ZNF385D: variants seen among roughly 807,000 people sequenced by gnomAD.
The protein encoded by ZNF385D is zinc finger protein 385D, also known as zinc finger protein 659.
ZNF385D carries 15 observed loss-of-function variants against 35.8 expected under a neutral mutation model. That is an observed-to-expected ratio of 0.42 (90% CI 0.28 to 0.64). ZNF385D has a LOEUF of 0.64. Ranked by LOEUF, ZNF385D falls within the 30% of genes least tolerant of loss-of-function variation. ZNF385D has a pLI of 0.23. For missense variants in ZNF385D, 474 were observed against 494.6 expected, an observed-to-expected ratio of 0.96 and a Z score of 0.39; for synonymous variants, 212 against 186.8, an observed-to-expected ratio of 1.13 and a Z score of -1.10.
chr3:22,074,451 G>C (rs768389025), intron 3 of ZNF385D, among the ~76,000 whole-genome samples: 7 of 151,846 alleles, frequency 4.6e-5, no homozygotes, highest in Non-Finnish European at 1.0e-4. Flanking sequence ...CCTAATACTA[G>C]AAAATTACTA....
At chr3:22,075,947 T>A (rs2125572397) in intron 3 of ZNF385D, among the ~76,000 whole-genome samples, 1 of 152,058 alleles carries the variant, frequency 6.6e-6, no homozygotes, top group South Asian at 2.1e-4. Context: ...GGTGAGGATA[T>A]TCTTCGCTTC....
intron 2 of ZNF385D, among the ~76,000 whole-genome samples, chr3:22,348,709 G>C (rs1046843338): frequency 6.6e-6 from 1 of 151,562 alleles, no homozygotes; most frequent in Non-Finnish European, 1.5e-5. Flanking sequence ...GGAGGGAGGA[G>C]AGAGAAAGTA....
At chr3:21,522,789 T>G (rs1341785094) in intron 3 of ZNF385D, among the ~76,000 whole-genome samples, 1 of 152,336 alleles carries the variant, frequency 6.6e-6, no homozygotes, top group East Asian at 1.9e-4. Context: ...CTTTTTGTGC[T>G]TAAAGTTTTC....
intron 2 of ZNF385D, among the ~76,000 whole-genome samples, chr3:22,279,470 A>AGT (rs1316795991): frequency 1.4e-5 from 2 of 146,594 alleles, no homozygotes; most frequent in Non-Finnish European, 3.0e-5. Flanking sequence ...AGTATTCCAC[A>AGT]GTATATATAT....
At chr3:21,602,313 A>G (rs1332399467) in intron 2 of ZNF385D, among the ~76,000 whole-genome samples, 3 of 152,012 alleles carry the variant, frequency 2.0e-5, no homozygotes, top group African/African-American at 2.4e-5. Flanking sequence ...GAACGTGACT[A>G]TCTTTTCCAT....
chr3:22,355,319 G>A lies in ZNF385D; in HGVS notation c.106+17131C>T, dbSNP rs1371753410. Among the ~76,000 whole-genome samples, 4 of 151,952 alleles carry A rather than the reference G, an allele frequency of 2.6e-5. No homozygotes were observed. The South Asian group carries it at 8.3e-4, about 32-fold the overall frequency. ...TAACATGCATAGTTTTTAATCTCTG[G>A]ATATGTTTTCAACTCTTTTGCAAAG... On this transcript the variant is annotated intron_variant, in intron 2 of 5. Coordinates refer to the ZNF385D transcript ENST00000494108.
intron 2 of ZNF385D, among the ~76,000 whole-genome samples, chr3:22,202,204 T>A (rs564269738): frequency 1.3e-5 from 2 of 152,128 alleles, no homozygotes; most frequent in African/African-American, 2.4e-5. Flanking sequence ...TGATTTCACA[T>A]ACAGCACTTA....
chr3:22,305,326 ATTCT>A (rs1174053239), intron 2 of ZNF385D, among the ~76,000 whole-genome samples: 1 of 152,110 alleles, frequency 6.6e-6, no homozygotes, highest in Non-Finnish European at 1.5e-5. Context: ...TTTTTAAAAA[ATTCT>A]TTATTTAAAT....
At chr3:21,647,368 CCCTT>C (rs1431018984) in intron 2 of ZNF385D, among the ~76,000 whole-genome samples, 5 of 150,432 alleles carry the variant, frequency 3.3e-5, no homozygotes, top group South Asian at 2.1e-4. Flanking sequence ...CTCCCCCTCT[CCCTT>C]CCTTCCTTTC....
At chr3:21,462,218 T>C (rs577673952) in intron 4 of ZNF385D, among the ~76,000 whole-genome samples, 1 of 152,278 alleles carries the variant, frequency 6.6e-6, no homozygotes, top group Non-Finnish European at 1.5e-5. Flanking sequence ...CTATTTTTTT[T>C]CCCTAGAGAT....
intron 3 of ZNF385D, among the ~76,000 whole-genome samples, chr3:22,138,346 C>A (rs1704284502): frequency 6.6e-6 from 1 of 152,140 alleles, no homozygotes; most frequent in Non-Finnish European, 1.5e-5. Flanking sequence ...CAAAATAGAA[C>A]CCGCATTGCC....
At position 21,417,888 on chromosome 3, in the gene ZNF385D, C is replaced by A. The variant is rs776527085; in HGVS notation, c.*3326G>T. The A allele has an allele frequency of 1.3e-5, 2 of 151,908 alleles. No homozygotes were observed. Among genetic ancestry groups the A allele is most frequent in the Non-Finnish European group, 2.9e-5 (2 of 67,958 alleles). The allele number at this position is 151,908 out of a possible 1,614,324, so 9.4% of individuals were successfully genotyped here. A position where few individuals can be genotyped will look rare whatever the true frequency, so the allele number is the denominator to read the frequency against. On this transcript the variant is annotated 3_prime_UTR_variant, in exon 8 of 8. Coordinates refer to ENST00000281523, the MANE Select transcript of ZNF385D (RefSeq NM_024697.3). ...ATAGATCAGGAGAAGCCAAATAGTA[C>A]CTAAAGATAGAAATCCTTTCAAATG...
chr3:22,081,615 C>T (rs931082356), intron 3 of ZNF385D, among the ~76,000 whole-genome samples: 7 of 152,142 alleles, frequency 4.6e-5, no homozygotes, highest in Non-Finnish European at 8.8e-5. Flanking sequence ...TGGCAGCCAA[C>T]TGTTGTCACA....
intron 3 of ZNF385D, among the ~76,000 whole-genome samples, chr3:22,030,104 C>A (rs1216212747): frequency 6.6e-6 from 1 of 151,154 alleles, no homozygotes; most frequent in Admixed American, 6.6e-5. Flanking sequence ...CAGTCTATAT[C>A]TTTCTCCCAT....
rs530855201 is a variant in ZNF385D, at chr3:22,067,660, G to C, written c.325+101157C>G. The stretch of plus-strand genomic sequence containing the variant: ...AACAAATCAACTTTTTAATGGGAAA[G>C]GATATCTTTCTCCCAGAACTTCAAA... On this transcript the variant is annotated intron_variant, in intron 3 of 5. Transcript: ENST00000494108. Among the ~76,000 whole-genome samples, 92 of 152,276 alleles carry C rather than the reference G, an allele frequency of 6.0e-4. No individual in the cohort carries two copies. The South Asian group carries it at 0.019, about 32-fold the overall frequency.
At chr3:21,556,488 C>G (rs1207340952) in intron 3 of ZNF385D, among the ~76,000 whole-genome samples, 1 of 152,058 alleles carries the variant, frequency 6.6e-6, no homozygotes, top group Non-Finnish European at 1.5e-5. Flanking sequence ...GAAGCCTTTC[C>G]CCATTGCTTA....
At chr3:21,875,634 T>G (rs1485284882) in intron 3 of ZNF385D, among the ~76,000 whole-genome samples, 3 of 152,110 alleles carry the variant, frequency 2.0e-5, no homozygotes, top group Non-Finnish European at 4.4e-5. Context: ...GTCTCATCTT[T>G]CCTTTGCTCA....
At chr3:22,232,381 G>A (rs548697149) in intron 2 of ZNF385D, among the ~76,000 whole-genome samples, 4 of 149,748 alleles carry the variant, frequency 2.7e-5, no homozygotes, top group South Asian at 2.1e-4. Flanking sequence ...ATGGCTTCAC[G>A]TTCTTTCTTC....
At position 21,539,560 on chromosome 3, in the gene ZNF385D, G is replaced by A. The variant is rs2062122582; in HGVS notation, c.276+25014C>T. Among the ~76,000 whole-genome samples, 1 of 151,856 alleles carries A rather than the reference G, an allele frequency of 6.6e-6. No individual in the cohort carries two copies. Among genetic ancestry groups the A allele is most frequent in the African/African-American group, 2.4e-5 (1 of 41,356 alleles). On this transcript the variant is annotated intron_variant, in intron 3 of 7. Coordinates refer to ENST00000281523, the MANE Select transcript of ZNF385D (RefSeq NM_024697.3). This position sits in a 1 kb window ranked among gnomAD's most constrained non-coding sequence, Gnocchi z 4.0. ...TGTTAGTTTGTTTTCTTTATGCTTT[G>A]TACTCTAAATGTTAAAATGATTCTC...
Sources: allele counts gnomAD v4.1 joint callset (sites outside exome capture counted in the v4.1 genomes callset), GRCh38; gene constraint gnomAD v4.1.1; non-coding constraint Gnocchi (gnomAD v3.1); transcripts MANE v1.5; gene names NCBI Gene and HGNC (gene_info 2026-07-23, HGNC 2026-07-21).